DIO2: variants seen among roughly 807,000 people sequenced by gnomAD.
The protein encoded by DIO2 is type II iodothyronine deiodinase.
A neutral mutation model predicts 21.4 loss-of-function variants in DIO2; 19 were observed. That is an observed-to-expected ratio of 0.89 (90% CI 0.62 to 1.30). The LOEUF (loss-of-function observed/expected upper bound fraction) is 1.30, where lower values mean the gene tolerates loss of function less well. Ranked by LOEUF, DIO2 falls within the 50% of genes most tolerant of loss-of-function variation. DIO2 has a pLI of 0.00. For synonymous variants in DIO2, 122 were observed against 132.9 expected (o/e 0.92, Z 0.57); for missense variants, 302 against 338.1 (o/e 0.89, Z 0.84).
intron 2 of DIO2, among the ~76,000 whole-genome samples, chr14:80,228,252 G>A (rs1419150926): frequency 1.3e-5 from 2 of 152,202 alleles, no homozygotes; most frequent in South Asian, 2.1e-4. Flanking sequence ...CCAGCTGAAA[G>A]CAAATTGCTT....
intron 2 of DIO2, among the ~76,000 whole-genome samples, chr14:80,220,320 G>A (rs1485909395): frequency 3.9e-5 from 6 of 152,150 alleles, no homozygotes; most frequent in Non-Finnish European, 8.8e-5. Context: ...TTAACAGAAA[G>A]TTAGTGCATA....
chr14:80,203,065 T>C lies in DIO2; in HGVS notation c.446A>G (p.Glu149Gly). The change falls in exon 2 of 2, where the codon GAG (glutamate) becomes GGG (glycine). Residue 149 changes from glutamate (E) to glycine (G), a missense_variant. Physicochemically the swap from Glu to Gly is moderately conservative, Grantham distance 98. Coordinates refer to ENST00000438257, the MANE Select transcript of DIO2 (RefSeq NM_013989.5). Reference protein sequence around the residue: ...QLPAFRKLVEEFSSVADFLLV... With the variant: ...QLPAFRKLVEGFSSVADFLLV... ...CAGGAAGTCAGCCACTGAGGAGAAC[T>C]CTTCCACCAGTTTGCGGAAGGCTGG... 1 of 1,613,966 alleles carries C rather than the reference T, an allele frequency of 6.2e-7. No individual in the cohort carries two copies. Among genetic ancestry groups the C allele is most frequent in the Non-Finnish European group, 8.5e-7 (1 of 1,179,882 alleles).
chr14:80,216,673 G>T (rs1410891353), intron 3 of DIO2: 2 of 152,226 alleles, frequency 1.3e-5, no homozygotes, highest in Admixed American at 1.3e-4. Context: ...AGCTGAAAAT[G>T]AGGAAATTGA....
At chr14:80,215,585 C>G (rs1888332073), upstream of DIO2, among the ~76,000 whole-genome samples, 1 of 152,148 alleles carries the variant, frequency 6.6e-6, no homozygotes. Flanking sequence ...CTTTCTAATT[C>G]CAGTGATTTG....
upstream of DIO2, chr14:80,211,678 T>C (rs1888207057): frequency 2.4e-6 from 1 of 411,988 alleles, no homozygotes; most frequent in South Asian, 3.0e-5. Flanking sequence ...AAGTCCAGTC[T>C]CTCCAGCCCA....
Position 80,199,293 on chromosome 14 carries a change from A to C in DIO2, c.*3396T>G, listed in dbSNP as rs1887617191. The C allele has an allele frequency of 6.6e-6, 1 of 152,240 alleles. No homozygotes were observed. Among genetic ancestry groups the C allele is most frequent in the Non-Finnish European group, 1.5e-5 (1 of 68,030 alleles). The allele number at this position is 152,240 out of a possible 1,614,324, so 9.4% of individuals were successfully genotyped here. On this transcript the variant is annotated 3_prime_UTR_variant, in exon 2 of 2. Coordinates refer to ENST00000438257, the MANE Select transcript of DIO2 (RefSeq NM_013989.5). ...ACAATAGGCTATTCTTCCCACTGTG[A>C]TGAGAGAATAAGCACTTCCTGGTTA...
chr14:80,230,458 T>G (rs534719386), intron 2 of DIO2, among the ~76,000 whole-genome samples: 11 of 152,282 alleles, frequency 7.2e-5, no homozygotes, highest in African/African-American at 2.6e-4. Flanking sequence ...TATCTGCTTT[T>G]GAGGCCAGGA....
In DIO2 at chr14:80,224,535, A is replaced by AC. The variant is rs71103851; in HGVS notation, c.-277-7799_-277-7798insG. On this transcript the variant is annotated intron_variant, in intron 2 of 4. Coordinates refer to the DIO2 transcript ENST00000553594. Reference sequence around the variant, plus strand: ...CACACACACACACACACACACACACAAGACAACAATGAGAAGATGGAACAC... The same window carrying AC: ...CACACACACACACACACACACACACACAGACAACAATGAGAAGATGGAACAC... 4.3e-3 allele frequency among the ~76,000 whole-genome samples: 654 copies of AC among 150,918 alleles called. 3 individuals are homozygous for AC. Among genetic ancestry groups the AC allele is most frequent in the Non-Finnish European group, 6.1e-3 (414 of 67,698 alleles).
rs1249417320 is a variant in DIO2, at chr14:80,201,002, A to G, written c.*1687T>C. 6.6e-6 allele frequency: 1 copy of G among 152,088 alleles called. No homozygotes were observed. The highest frequency in any genetic ancestry group is 1.5e-5 in the Non-Finnish European group (1 of 68,012). The allele number at this position is 152,088 out of a possible 1,614,324, so 9.4% of individuals were successfully genotyped here. A position where few individuals can be genotyped will look rare whatever the true frequency, so the allele number is the denominator to read the frequency against. ...AGATCCTTTGATTGTACCTTTAAAT[A>G]CAATCATATACTATGATTTCATAAT... On this transcript the variant is annotated 3_prime_UTR_variant, in exon 2 of 2. Coordinates refer to ENST00000438257, the MANE Select transcript of DIO2 (RefSeq NM_013989.5).
chr14:80,229,166 C>T (rs1033298860), intron 2 of DIO2, among the ~76,000 whole-genome samples: 27 of 152,038 alleles, frequency 1.8e-4, no homozygotes, highest in Non-Finnish European at 3.8e-4. Flanking sequence ...TAGAAGTTTT[C>T]TGCTTGTATG....
At chr14:80,203,892 G>C (rs1380731904) in intron 1 of DIO2, among the ~76,000 whole-genome samples, 1 of 152,172 alleles carries the variant, frequency 6.6e-6, no homozygotes, top group African/African-American at 2.4e-5. Flanking sequence ...AACCTCTTTA[G>C]TGATTCAGCT....
At chr14:80,213,566 T>C (rs1207521330), upstream of DIO2, among the ~76,000 whole-genome samples, 1 of 152,200 alleles carries the variant, frequency 6.6e-6, no homozygotes, top group East Asian at 1.9e-4. Flanking sequence ...TGCCTTTAGG[T>C]TCCGTGAGAG....
Position 80,211,260 on chromosome 14 carries a change from G to A in DIO2, c.213C>T (p.Ala71=). ...RCVWKSFLLD[A]YKQVKLGEDA... ...TCTCAGCTCAGCTCACCTGTTTGTA[G>A]GCATCGAGGAGGAAGCTCTTCCAGA... Residue 71 remains alanine, a synonymous_variant, in exon 1 of 2, where the codon GCC becomes GCT. Transcript: ENST00000438257. The A allele has an allele frequency of 2.5e-6, 4 of 1,610,080 alleles. No individual in the cohort carries two copies. Among genetic ancestry groups the A allele is most frequent in the Non-Finnish European group, 3.4e-6 (4 of 1,179,564 alleles).
At position 80,201,690 on chromosome 14, in the gene DIO2, A is replaced by T. The variant is rs1887729230; in HGVS notation, c.*999T>A. ...ATGGGGTATAATTAACCCACTGAAAATATACATACCACATACATGGTTCAA... is the reference window on the plus strand; with the variant it reads ...ATGGGGTATAATTAACCCACTGAAATTATACATACCACATACATGGTTCAA... On this transcript the variant is annotated 3_prime_UTR_variant, in exon 2 of 2. Transcript: ENST00000438257. The T allele has an allele frequency of 6.6e-6, 1 of 152,190 alleles. No homozygotes were observed. 9.4% of individuals were successfully genotyped at this position (152,190 alleles called of 1,614,324 possible). A position where few individuals can be genotyped will look rare whatever the true frequency, so the allele number is the denominator to read the frequency against.
At chr14:80,224,558 C>A (rs7350729) in intron 2 of DIO2, among the ~76,000 whole-genome samples, 19,725 of 147,270 alleles carry the variant, frequency 0.13, 1,578 homozygotes, top group East Asian at 0.31. Context: ...GAAGATGGAA[C>A]ACAATGAGAC....
In DIO2 at chr14:80,203,289, C is replaced by A. The variant is rs1313460630; in HGVS notation, c.223-1G>T. On this transcript the variant is annotated splice_acceptor_variant, in intron 1 of 1. Coordinates refer to ENST00000438257, the MANE Select transcript of DIO2 (RefSeq NM_013989.5). LOFTEE classifies it high-confidence loss of function. ...TGGGGGCATCCTCACCCAATTTCAC[C>A]TGACGGTAAAAAAAAAAAAAAAGAA... 6.8e-7 allele frequency: 1 copy of A among 1,469,328 alleles called. No individual in the cohort carries two copies. The highest frequency in any genetic ancestry group is 8.9e-7 in the Non-Finnish European group (1 of 1,118,016). The allele number at this position is 1,469,328 out of a possible 1,614,324, so 91.0% of individuals were successfully genotyped here. A position where few individuals can be genotyped will look rare whatever the true frequency, so the allele number is the denominator to read the frequency against.
chr14:80,220,528 A>G (rs1373090485), intron 2 of DIO2, among the ~76,000 whole-genome samples: 2 of 152,166 alleles, frequency 1.3e-5, no homozygotes, highest in East Asian at 3.8e-4. Context: ...CAGGTACCTC[A>G]CCAAGACATT....
At chr14:80,230,832 G>C (rs549138190) in intron 2 of DIO2, 1 of 152,250 alleles carries the variant, frequency 6.6e-6, no homozygotes, top group African/African-American at 2.4e-5. Context: ...ACCAAAATCT[G>C]TATTAGTCAG....
Position 80,200,054 on chromosome 14 carries a change from G to T in DIO2, c.*2635C>A, listed in dbSNP as rs1305969565. The T allele has an allele frequency of 1.3e-5, 2 of 152,438 alleles. No individual in the cohort carries two copies. Among genetic ancestry groups the T allele is most frequent in the African/African-American group, 2.4e-5 (1 of 41,378 alleles). The allele number at this position is 152,438 out of a possible 1,614,324, so 9.4% of individuals were successfully genotyped here. ...ATGAGTTCTTGTTAATTTCATAAAA[G>T]AATACATCACAAGAAATCATAAAAA... On this transcript the variant is annotated 3_prime_UTR_variant, in exon 2 of 2. Coordinates refer to ENST00000438257, the MANE Select transcript of DIO2 (RefSeq NM_013989.5).
Sources: allele counts gnomAD v4.1 joint callset (sites outside exome capture counted in the v4.1 genomes callset), GRCh38; gene constraint gnomAD v4.1.1; transcripts MANE v1.5; gene names NCBI Gene and HGNC (gene_info 2026-07-23, HGNC 2026-07-21).